The following HTRA3 variants were observed in gnomAD, a reference collection of about 807,000 sequenced individuals.
HTRA3 encodes HtrA serine peptidase 3.
HTRA3 carries 41 observed loss-of-function variants against 43.2 expected under a neutral mutation model. That is an observed-to-expected ratio of 0.95 (90% CI 0.74 to 1.23). The LOEUF (loss-of-function observed/expected upper bound fraction) is 1.23. Among genes scored for constraint, HTRA3 ranks in the 50% most tolerant of loss-of-function variants. The pLI is 0.00. For synonymous variants in HTRA3, 295 were observed against 287.9 expected, an observed-to-expected ratio of 1.02 and a Z score of -0.25; for missense variants, 628 against 647.1, an observed-to-expected ratio of 0.97 and a Z score of 0.32.
In HTRA3 at chr4:8,273,204, G is replaced by A. The variant is rs958667695; in HGVS notation, c.385+2851G>A. 2.0e-5 allele frequency among the ~76,000 whole-genome samples: 3 copies of A among 152,328 alleles called. No homozygotes were observed. In the East Asian group the frequency reaches 5.8e-4, roughly 29 times the overall value. The stretch of plus-strand genomic sequence containing the variant: ...GGCCTCCTGGCTTTTCCTCTGCAAG[G>A]GGTGGCAGGGCCCCTGAGGCTGGGA... On this transcript the variant is annotated intron_variant, in intron 1 of 8. Coordinates refer to ENST00000307358, the MANE Select transcript of HTRA3 (RefSeq NM_053044.5).
intron 1 of HTRA3, among the ~76,000 whole-genome samples, chr4:8,281,909 C>T (rs758960477): frequency 6.6e-6 from 1 of 152,212 alleles, no homozygotes; most frequent in Non-Finnish European, 1.5e-5. Flanking sequence ...CACACTGTGT[C>T]CGGGCCTGGG....
chr4:8,274,491 G>C (rs891103623), intron 1 of HTRA3, among the ~76,000 whole-genome samples: 1 of 152,230 alleles, frequency 6.6e-6, no homozygotes, highest in Admixed American at 6.5e-5. Context: ...CCAGTGCGTG[G>C]CCTCTGTAGA....
intron 3 of HTRA3, among the ~76,000 whole-genome samples, chr4:8,289,994 G>A (rs997329600): frequency 1.3e-5 from 2 of 152,150 alleles, no homozygotes; most frequent in African/African-American, 4.8e-5. Context: ...GTGCAGGGAG[G>A]ACGGGCTGAC....
chr4:8,291,576 G>A lies in HTRA3; in HGVS notation c.903+12G>A. 6.4e-7 allele frequency: 1 copy of A among 1,551,752 alleles called. No homozygotes were observed. Among genetic ancestry groups the A allele is most frequent in the Non-Finnish European group, 8.7e-7 (1 of 1,146,654 alleles). On this transcript the variant is annotated intron_variant, in intron 4 of 8. Coordinates refer to ENST00000307358, the MANE Select transcript of HTRA3 (RefSeq NM_053044.5). ...ATGCCATCATCAACGTGAGTCCCAG[G>A]GACAGGAGGCCGGGGCACCTGCCAT... is the stretch of plus-strand genomic sequence containing the variant.
At chr4:8,281,826 G>C (rs1232199777) in intron 1 of HTRA3, among the ~76,000 whole-genome samples, 1 of 152,248 alleles carries the variant, frequency 6.6e-6, no homozygotes. Context: ...TCGGGCTGGG[G>C]TGTGGCCAAG....
At chr4:8,276,985 G>A (rs1375014868) in intron 1 of HTRA3, among the ~76,000 whole-genome samples, 1 of 152,228 alleles carries the variant, frequency 6.6e-6, no homozygotes, top group Non-Finnish European at 1.5e-5. Context: ...CCAGCCTGAC[G>A]TCCCATGCCC....
chr4:8,304,404 T>C, intron 8 of HTRA3, 125 bp downstream of exon 8: 1 of 698,646 alleles, frequency 1.4e-6, no homozygotes. Flanking sequence ...GGCAGGTGGA[T>C]TCTAGCGTGT....
chr4:8,304,333 G>C (rs1450102393), intron 8 of HTRA3, 54 bp downstream of exon 8: 4 of 1,439,350 alleles, frequency 2.8e-6, no homozygotes, highest in Middle Eastern at 1.8e-4. Flanking sequence ...TGAGGTCTGG[G>C]CTGGGGCTGC....
chr4:8,286,662 A>G lies in HTRA3; in HGVS notation c.587A>G (p.Asn196Ser), dbSNP rs1266124695. 6.2e-7 allele frequency: 1 copy of G among 1,614,216 alleles called. No homozygotes were observed. The highest frequency in any genetic ancestry group is 1.7e-5 in the Admixed American group (1 of 60,030). Residue 196 changes from asparagine (N) to serine (S), a missense_variant, in exon 3 of 9, where the codon AAC (asparagine) becomes AGC (serine). By Grantham distance (46) the Asn-to-Ser change is conservative. Transcript: ENST00000307358. This position sits in a 1 kb window ranked among gnomAD's most constrained non-coding sequence, Gnocchi z 4.9. ...IITNAHVVSS[N>S]SAAPGRQQLK... Reference sequence around the variant, plus strand: ...ACCAATGCCCACGTGGTGTCCAGCAACAGTGCTGCCCCGGGCAGGCAGCAG... The same window carrying G: ...ACCAATGCCCACGTGGTGTCCAGCAGCAGTGCTGCCCCGGGCAGGCAGCAG...
chr4:8,284,050 A>G (rs1712862480), intron 2 of HTRA3, among the ~76,000 whole-genome samples: 1 of 152,146 alleles, frequency 6.6e-6, no homozygotes, highest in East Asian at 1.9e-4. Context: ...GCACCTCAGC[A>G]TCACATCCTC....
chr4:8,293,172 C>T (rs546670496), intron 5 of HTRA3, among the ~76,000 whole-genome samples: 1 of 152,194 alleles, frequency 6.6e-6, no homozygotes, highest in Non-Finnish European at 1.5e-5. Context: ...TGGGGCTTCA[C>T]CCTATGTGCC....
chr4:8,277,177 C>T (rs1469225168), intron 1 of HTRA3, among the ~76,000 whole-genome samples: 2 of 152,036 alleles, frequency 1.3e-5, no homozygotes, highest in East Asian at 1.9e-4. Flanking sequence ...TGTGGGGGCA[C>T]GGTTCACTTG....
At chr4:8,305,899 G>A (rs1224821458) in intron 8 of HTRA3, 72 bp from the exon 9 acceptor site, 20 of 1,561,170 alleles carry the variant, frequency 1.3e-5, no homozygotes, top group Middle Eastern at 1.8e-4. Flanking sequence ...ACTGTGCCTC[G>A]CTCTGGGCCG....
chr4:8,283,137 G>T (rs1712823640), intron 2 of HTRA3, among the ~76,000 whole-genome samples: 1 of 152,222 alleles, frequency 6.6e-6, no homozygotes, highest in African/African-American at 2.4e-5. Flanking sequence ...AGTGAGGGGA[G>T]GAATGAGTTA....
chr4:8,274,657 G>A (rs1406989098), intron 1 of HTRA3, among the ~76,000 whole-genome samples: 1 of 152,218 alleles, frequency 6.6e-6, no homozygotes, highest in Non-Finnish European at 1.5e-5. Flanking sequence ...TGCACAGAGT[G>A]GATAAATGTC....
chr4:8,304,934 C>T (rs1713783437), intron 8 of HTRA3, among the ~76,000 whole-genome samples: 1 of 152,130 alleles, frequency 6.6e-6, no homozygotes, highest in African/African-American at 2.4e-5. Flanking sequence ...GCTGGGATTT[C>T]TACCCCCAGG....
chr4:8,298,519 G>GT (rs35628356), intron 6 of HTRA3, among the ~76,000 whole-genome samples: 83,394 of 148,856 alleles, frequency 0.56, 23,412 homozygotes, highest in East Asian at 0.8. Context: ...GATGAAGTCT[G>GT]TTTTTTTTTT....
intron 1 of HTRA3, among the ~76,000 whole-genome samples, chr4:8,274,820 T>G (rs916274580): frequency 1.3e-5 from 2 of 152,214 alleles, no homozygotes; most frequent in Non-Finnish European, 1.5e-5. Context: ...GCGCTCAGAA[T>G]GTAGAGCCCC....
intron 1 of HTRA3, among the ~76,000 whole-genome samples, chr4:8,282,080 G>T (rs139263362): frequency 2.4e-4 from 36 of 152,296 alleles, no homozygotes; most frequent in Non-Finnish European, 4.3e-4. Context: ...GGCCCAGGGG[G>T]ACTAACCCGA....
Sources: gnomAD v4.1 joint callset for allele counts (sites outside exome capture counted in the v4.1 genomes callset) on GRCh38, gnomAD v4.1.1 for gene constraint, Gnocchi (gnomAD v3.1) non-coding constraint, MANE v1.5 for transcripts, NCBI Gene and HGNC (gene_info 2026-07-23, HGNC 2026-07-21) for gene names.